The following KLHL1 variants were observed in gnomAD, a reference collection of about 807,000 sequenced individuals.
KLHL1 encodes kelch-like protein 1.
Under a neutral mutation model 77.7 loss-of-function variants are expected in KLHL1, and 47 were observed. The ratio of observed to expected loss-of-function variants is 0.60; its 90% CI spans 0.48 to 0.77. The LOEUF is 0.77. Among genes scored for constraint, KLHL1 ranks in the 30% least tolerant of loss-of-function variants. KLHL1 has a pLI of 0.00. For synonymous variants in KLHL1, 360 were observed against 325.2 expected (o/e 1.11, Z -1.15); for missense variants, 925 against 910.8 (o/e 1.02, Z -0.20).
At chr13:70,023,664 C>A (rs1162099414) in intron 1 of KLHL1, among the ~76,000 whole-genome samples, 1 of 151,828 alleles carries the variant, frequency 6.6e-6, no homozygotes, top group Non-Finnish European at 1.5e-5. Context: ...CTTGTTTTGT[C>A]CCTGGTTGAC....
chr13:69,704,767 C>T (rs1480425603), intron 10 of KLHL1, among the ~76,000 whole-genome samples: 1 of 151,662 alleles, frequency 6.6e-6, no homozygotes, highest in East Asian at 1.9e-4. Flanking sequence ...TTTGTTCTCC[C>T]TCCAGGGGTT....
chr13:69,913,741 TACTC>T, intron 4 of KLHL1, among the ~76,000 whole-genome samples: 1 of 152,350 alleles, frequency 6.6e-6, no homozygotes, highest in Middle Eastern at 3.4e-3. Context: ...CTATTTACAC[TACTC>T]TTTTTATGTG....
chr13:70,038,742 C>A (rs1313821115), intron 1 of KLHL1, among the ~76,000 whole-genome samples: 1 of 151,840 alleles, frequency 6.6e-6, no homozygotes, highest in Non-Finnish European at 1.5e-5. Flanking sequence ...AGGCGCCCAC[C>A]ACCATGCCTG....
chr13:70,083,859 T>C (rs191201719), intron 1 of KLHL1, among the ~76,000 whole-genome samples: 262 of 152,228 alleles, frequency 1.7e-3, no homozygotes, highest in African/African-American at 5.9e-3. Context: ...CATACATGTA[T>C]ACAATTTTGA....
chr13:69,843,118 A>G (rs1879331287), intron 5 of KLHL1, among the ~76,000 whole-genome samples: 1 of 151,694 alleles, frequency 6.6e-6, no homozygotes, highest in Admixed American at 6.6e-5. Context: ...ATTAAATTCA[A>G]TGTATGATAG....
At chr13:69,780,720 A>G (rs1472828441) in intron 7 of KLHL1, among the ~76,000 whole-genome samples, 144 of 60,548 alleles carry the variant, frequency 2.4e-3, no homozygotes, top group African/African-American at 9.4e-3. Context: ...ATATATGTAT[A>G]TATATATATA....
At chr13:69,861,383 T>A (rs1880152122) in intron 5 of KLHL1, among the ~76,000 whole-genome samples, 1 of 152,042 alleles carries the variant, frequency 6.6e-6, no homozygotes, top group Non-Finnish European at 1.5e-5. Flanking sequence ...TCAAATCACC[T>A]CAATATGTTT....
intron 4 of KLHL1, chr13:69,895,050 C>A: frequency 4.0e-6 from 2 of 499,308 alleles, no homozygotes; most frequent in South Asian, 3.0e-5. Flanking sequence ...CTACTGATGT[C>A]AGAGTCTCCT....
intron 1 of KLHL1, among the ~76,000 whole-genome samples, chr13:70,012,827 TG>T (rs1307052395): frequency 1.3e-5 from 2 of 151,888 alleles, no homozygotes; most frequent in Non-Finnish European, 2.9e-5. Flanking sequence ...GGCATGAACC[TG>T]GGAGGCAGAG....
At position 69,928,043 on chromosome 13, in the gene KLHL1, T is replaced by C. The variant is rs576143041; in HGVS notation, c.1014+11997A>G. Among the ~76,000 whole-genome samples the C allele has an allele frequency of 2.0e-4, 30 of 152,308 alleles. No homozygotes were observed. In the South Asian group the frequency reaches 6.0e-3, roughly 30 times the overall value. Reference sequence around the variant, plus strand: ...TTTGGGCCATGTCCTTGTGGTTTCATAGAAAGTCACATAGCACTACATACT... The same window carrying C: ...TTTGGGCCATGTCCTTGTGGTTTCACAGAAAGTCACATAGCACTACATACT... On this transcript the variant is annotated intron_variant, in intron 4 of 10. Coordinates refer to ENST00000377844, the MANE Select transcript of KLHL1 (RefSeq NM_020866.3).
chr13:70,102,596 T>A (rs1022522316), intron 1 of KLHL1, among the ~76,000 whole-genome samples: 11 of 152,170 alleles, frequency 7.2e-5, no homozygotes, highest in Non-Finnish European at 1.5e-4. Flanking sequence ...GAAATAAGAT[T>A]GGGCAAAATG....
At chr13:70,042,584 C>T (rs540095125) in intron 1 of KLHL1, among the ~76,000 whole-genome samples, 5 of 152,044 alleles carry the variant, frequency 3.3e-5, no homozygotes, top group East Asian at 1.9e-4. Flanking sequence ...CATACTGCAC[C>T]GCCAGCTCTA....
At chr13:69,736,019 A>G (rs938176785) in intron 8 of KLHL1, among the ~76,000 whole-genome samples, 1 of 152,194 alleles carries the variant, frequency 6.6e-6, no homozygotes, top group Non-Finnish European at 1.5e-5. Context: ...AATTCAACAA[A>G]AACAAAGATA....
intron 1 of KLHL1, among the ~76,000 whole-genome samples, chr13:70,048,444 T>C (rs912613972): frequency 1.3e-5 from 2 of 152,210 alleles, no homozygotes; most frequent in African/African-American, 4.8e-5. Flanking sequence ...TCAATATCTA[T>C]AGGTAGATAC....
intron 5 of KLHL1, among the ~76,000 whole-genome samples, chr13:69,866,693 A>T (rs936241946): frequency 6.6e-6 from 1 of 152,152 alleles, no homozygotes; most frequent in Non-Finnish European, 1.5e-5. Flanking sequence ...TTATGGGTTT[A>T]TAAACTATTG....
intron 6 of KLHL1, among the ~76,000 whole-genome samples, chr13:69,820,160 A>C (rs542780091): frequency 4.6e-5 from 7 of 152,208 alleles, no homozygotes; most frequent in Admixed American, 2.0e-4. Flanking sequence ...TCTCTATATC[A>C]AACTGTGTAA....
Position 70,054,125 on chromosome 13 carries a change from T to A in KLHL1, c.497+53078A>T, listed in dbSNP as rs774100977. Among the ~76,000 whole-genome samples, 4 of 152,150 alleles carry A rather than the reference T, an allele frequency of 2.6e-5. 1 individual carries two copies. The highest frequency in any genetic ancestry group is 1.9e-4 in the East Asian group (1 of 5,200). ...TCAAGAAAAAGCCAGGGAAGAAACT[T>A]CCTTGATATTTACTACACATTACAC... On this transcript the variant is annotated intron_variant, in intron 1 of 10. Transcript: ENST00000377844.
In KLHL1 at chr13:69,796,787, G is replaced by C. The variant is rs1321897543; in HGVS notation, c.1590C>G (p.Thr530=). Residue 530 remains threonine (T), a synonymous_variant, in exon 7 of 11, where the codon ACC becomes ACG. Transcript: ENST00000377844. ...LNTVECYNPK[T]KTWTVLPPMS... ...TTGGTGGTAAGACAGTCCATGTCTT[G>C]GTTTTGGGATTGTAACATTCAACAG... 1.9e-6 allele frequency: 3 copies of C among 1,613,908 alleles called. No homozygotes were observed. The highest frequency in any genetic ancestry group is 2.7e-5 in the African/African-American group (2 of 74,884).
chr13:70,087,691 G>T (rs980122), intron 1 of KLHL1, among the ~76,000 whole-genome samples: 39,148 of 151,962 alleles, frequency 0.26, 5,261 homozygotes, highest in Admixed American at 0.31. Context: ...TTTAAAATGA[G>T]GGAGAAAAAC....
Sources: gnomAD v4.1 joint callset for allele counts (sites outside exome capture counted in the v4.1 genomes callset) on GRCh38, gnomAD v4.1.1 for gene constraint, MANE v1.5 for transcripts, NCBI Gene and HGNC (gene_info 2026-07-23, HGNC 2026-07-21) for gene names.